CSMD1: variants seen among roughly 807,000 people sequenced by gnomAD.
CSMD1 encodes CUB and Sushi multiple domains 1.
CSMD1 carries 213 observed loss-of-function variants against 417.5 expected under a neutral mutation model. That is an observed-to-expected ratio of 0.51 (90% CI 0.46 to 0.57). CSMD1 has a LOEUF of 0.57. Ranked by LOEUF, CSMD1 falls within the 20% of genes least tolerant of loss-of-function variation. The pLI is 0.00. For missense variants in CSMD1, 6,923 were observed against 4,529.7 expected (o/e 1.53, Z -15.17); for synonymous variants, 2,862 against 1,736.8 (o/e 1.65, Z -16.11).
intron 12 of CSMD1, among the ~76,000 whole-genome samples, chr8:3,457,747 G>T (rs992716893): frequency 2.6e-5 from 4 of 152,074 alleles, no homozygotes; most frequent in African/African-American, 9.7e-5. Flanking sequence ...AATAATAAAG[G>T]TAATGAGAAA....
chr8:3,759,739 C>CG lies in CSMD1; in HGVS notation c.819-5698_819-5697insC, dbSNP rs1797883915. Reference sequence around the variant, plus strand: ...TGAAACACCACCTCTACTAAAAATACCAAAAAAAAAAAAAAAAAATTAGCC... The same window carrying CG: ...TGAAACACCACCTCTACTAAAAATACGCAAAAAAAAAAAAAAAAAATTAGCC... On this transcript the variant is annotated intron_variant, in intron 5 of 69. Coordinates refer to ENST00000635120, the MANE Select transcript of CSMD1 (RefSeq NM_033225.6). Among the ~76,000 whole-genome samples the CG allele has an allele frequency of 2.0e-4, 22 of 110,746 alleles. No individual in the cohort carries two copies. The South Asian group carries it at 5.1e-3, about 25-fold the overall frequency. The allele number at this position is 110,746 out of a possible 152,430, so 72.7% of individuals were successfully genotyped here.
At chr8:4,504,115 G>GT (rs1802401313) in intron 2 of CSMD1, among the ~76,000 whole-genome samples, 1 of 152,086 alleles carries the variant, frequency 6.6e-6, no homozygotes, top group African/African-American at 2.4e-5. Context: ...AGAAAATGTG[G>GT]TGTATATATA....
rs552206412 is a variant in CSMD1 at position 3,988,685 on chromosome 8, A to C, written c.818+9218T>G. ...CTGTTATCACATTTCATTTTTACTA[A>C]GTGATATACAGGATCTAAACCAGGA... On this transcript the variant is annotated intron_variant, in intron 5 of 69. Coordinates refer to ENST00000635120, the MANE Select transcript of CSMD1 (RefSeq NM_033225.6). 2.6e-5 allele frequency among the ~76,000 whole-genome samples: 4 copies of C among 152,368 alleles called. No individual in the cohort carries two copies. In the East Asian group the frequency reaches 7.7e-4, roughly 29 times the overall value.
In CSMD1 at chr8:3,286,376, G is replaced by A. The variant is rs559334479; in HGVS notation, c.3951-2030C>T. Among the ~76,000 whole-genome samples, 3 of 152,022 alleles carry A rather than the reference G, an allele frequency of 2.0e-5. No homozygotes were observed. The South Asian group carries it at 6.2e-4, about 32-fold the overall frequency. On this transcript the variant is annotated intron_variant, in intron 25 of 69. Coordinates refer to ENST00000635120, the MANE Select transcript of CSMD1 (RefSeq NM_033225.6). ...ATGGCTGGGTCAAATGGTATTTCCA[G>A]TTCTAGATCCCTGAGGAATGGCCAC...
intron 11 of CSMD1, among the ~76,000 whole-genome samples, chr8:3,482,177 C>G (rs533615311): frequency 6.6e-6 from 1 of 152,240 alleles, no homozygotes; most frequent in South Asian, 2.1e-4. Context: ...AAGCACTAAA[C>G]ATATCAATAA....
At chr8:4,810,727 A>G (rs961725525) in intron 1 of CSMD1, among the ~76,000 whole-genome samples, 2 of 152,216 alleles carry the variant, frequency 1.3e-5, no homozygotes, top group Non-Finnish European at 2.9e-5. Flanking sequence ...TTCATAATTC[A>G]TATGTAACAA....
At chr8:4,327,726 G>C (rs1263400691) in intron 3 of CSMD1, among the ~76,000 whole-genome samples, 1 of 152,156 alleles carries the variant, frequency 6.6e-6, no homozygotes, top group East Asian at 1.9e-4. Context: ...TGAATAACAA[G>C]AGACCTACTG....
intron 12 of CSMD1, among the ~76,000 whole-genome samples, chr8:3,440,534 A>G (rs1444283792): frequency 6.6e-6 from 1 of 152,176 alleles, no homozygotes; most frequent in Non-Finnish European, 1.5e-5. Context: ...TCTTGGCTCT[A>G]AGAGTTTATC....
intron 5 of CSMD1, among the ~76,000 whole-genome samples, chr8:3,967,858 C>CT (rs1165494238): frequency 2.6e-5 from 4 of 151,948 alleles, no homozygotes; most frequent in African/African-American, 7.3e-5. Context: ...CAGCATTTCC[C>CT]TTGCTCGCTT....
intron 41 of CSMD1, among the ~76,000 whole-genome samples, chr8:3,120,704 A>AGGGG (rs138705631): frequency 1.6e-4 from 24 of 148,816 alleles, no homozygotes; most frequent in African/African-American, 5.2e-4. Flanking sequence ...AAAATTAGCC[A>AGGGG]GGGGGGGTGA....
intron 1 of CSMD1, among the ~76,000 whole-genome samples, chr8:4,979,709 C>T (rs1450558234): frequency 6.6e-6 from 1 of 152,156 alleles, no homozygotes; most frequent in African/African-American, 2.4e-5. Context: ...TCTGTAGTGA[C>T]AAATATACAG....
intron 10 of CSMD1, among the ~76,000 whole-genome samples, chr8:3,518,016 C>T (rs758043336): frequency 3.9e-5 from 6 of 152,066 alleles, no homozygotes; most frequent in Non-Finnish European, 8.8e-5. Context: ...TAAGAAACAA[C>T]TCTAGAAAAT....
At chr8:4,187,297 A>G (rs1274542201) in intron 3 of CSMD1, among the ~76,000 whole-genome samples, 62 of 152,192 alleles carry the variant, frequency 4.1e-4, no homozygotes, top group Non-Finnish European at 1.5e-4. Flanking sequence ...TCTTTCAGTC[A>G]TAGGAAAGGA....
chr8:3,594,027 C>T (rs1800977111), intron 8 of CSMD1, among the ~76,000 whole-genome samples: 2 of 152,172 alleles, frequency 1.3e-5, no homozygotes, highest in South Asian at 2.1e-4. Context: ...AACAGAGTGA[C>T]GTTTGATTCA....
intron 3 of CSMD1, among the ~76,000 whole-genome samples, chr8:4,191,338 G>C (rs1389336529): frequency 1.3e-5 from 2 of 152,158 alleles, no homozygotes; most frequent in East Asian, 1.9e-4. Context: ...AGAGCCTGCA[G>C]TGAGCAGAGA....
intron 5 of CSMD1, among the ~76,000 whole-genome samples, chr8:3,984,027 T>C (rs1439845758): frequency 6.7e-6 from 1 of 148,328 alleles, no homozygotes; most frequent in African/African-American, 2.5e-5. Context: ...ATTGCAGCTC[T>C]AGAGCACACG....
At chr8:3,712,258 T>G (rs1354094163) in intron 6 of CSMD1, among the ~76,000 whole-genome samples, 1 of 152,246 alleles carries the variant, frequency 6.6e-6, no homozygotes, top group African/African-American at 2.4e-5. Context: ...GTCTGGACAC[T>G]TCTCCCCACA....
chr8:3,920,319 G>C (rs1809145997), intron 5 of CSMD1, among the ~76,000 whole-genome samples: 1 of 151,810 alleles, frequency 6.6e-6, no homozygotes, highest in Non-Finnish European at 1.5e-5. Context: ...ATAGGAGTGA[G>C]CCACCGTACG....
intron 6 of CSMD1, among the ~76,000 whole-genome samples, chr8:3,732,671 G>T (rs1796329310): frequency 6.6e-6 from 1 of 152,000 alleles, no homozygotes; most frequent in Non-Finnish European, 1.5e-5. Flanking sequence ...ATCCTAAATT[G>T]ATTTTTTTTA....
Sources: gnomAD v4.1 joint callset for allele counts (sites outside exome capture counted in the v4.1 genomes callset) on GRCh38, gnomAD v4.1.1 for gene constraint, MANE v1.5 for transcripts, NCBI Gene and HGNC (gene_info 2026-07-23, HGNC 2026-07-21) for gene names.